The following FAT4 variants were observed in gnomAD, a reference collection of about 807,000 sequenced individuals.
The protein encoded by FAT4 is FAT atypical cadherin 4.
FAT4 carries 84 observed loss-of-function variants against 303.9 expected under a neutral mutation model. The observed-to-expected ratio is 0.28, with a 90% CI of 0.23 to 0.33. The LOEUF (loss-of-function observed/expected upper bound fraction) is 0.33. Ranked by LOEUF, FAT4 falls within the 10% of genes least tolerant of loss-of-function variation. The probability of loss-of-function intolerance (pLI) is 1.00; values close to 1 mark genes in which losing one functional copy is unlikely to be tolerated. For missense variants in FAT4, 6,005 were observed against 6,146.8 expected (o/e 0.98, Z 0.77); for synonymous variants, 2,307 against 2,298.8 (o/e 1.00, Z -0.10).
intron 2 of FAT4, among the ~76,000 whole-genome samples, chr4:125,357,527 T>C (rs1032322511): frequency 1.3e-5 from 2 of 152,200 alleles, no homozygotes; most frequent in Non-Finnish European, 2.9e-5. Flanking sequence ...TAGCATTAAG[T>C]AAATGAGATA....
intron 9 of FAT4, among the ~76,000 whole-genome samples, chr4:125,448,250 A>C (rs1438735978): frequency 6.6e-6 from 1 of 152,150 alleles, no homozygotes; most frequent in Non-Finnish European, 1.5e-5. Flanking sequence ...AATTTTAGTT[A>C]GAAAATGGCA....
intron 7 of FAT4, among the ~76,000 whole-genome samples, chr4:125,419,267 C>T (rs144046971): frequency 6.4e-4 from 97 of 152,308 alleles, no homozygotes; most frequent in African/African-American, 2.2e-3. Flanking sequence ...GACTTCTATT[C>T]ACCTCCCTAC....
chr4:125,386,040 G>T (rs1353647428), intron 2 of FAT4, among the ~76,000 whole-genome samples: 1 of 151,856 alleles, frequency 6.6e-6, no homozygotes, highest in Non-Finnish European at 1.5e-5. Flanking sequence ...GATCATCAGG[G>T]GATAATTCTT....
Position 125,318,878 on chromosome 4 carries a change from A to C in FAT4, c.2467A>C (p.Asn823His), listed in dbSNP as rs1267031772. Residue 823 changes from asparagine to histidine, a missense_variant, in exon 2 of 18, where the codon AAT (asparagine) becomes CAT (histidine). By Grantham distance (68) the Asn-to-His change is moderately conservative (BLOSUM62 1). Transcript: ENST00000394329. ...GSVSASTMDL[N>H]SNISYLITTG... ...TGTGTCTGCATCCACCATGGATCTC[A>C]ATTCCAACATCAGTTATCTCATTAC... is the stretch of plus-strand genomic sequence containing the variant. The C allele has an allele frequency of 3.7e-6, 6 of 1,614,056 alleles. No homozygotes were observed. Among genetic ancestry groups the C allele is most frequent in the Non-Finnish European group, 5.1e-6 (6 of 1,180,038 alleles).
chr4:125,316,670 A>C lies in FAT4; in HGVS notation c.259A>C (p.Thr87Pro). 6.2e-7 allele frequency: 1 copy of C among 1,613,662 alleles called. No individual in the cohort carries two copies. The highest frequency in any genetic ancestry group is 8.5e-7 in the Non-Finnish European group (1 of 1,180,024). ...CGCCCTGTTTGCCATAAACAGTAGC[A>C]CCGGAGCCCTGTACACCACCTCCAC... ...SHALFAINSS[T>P]GALYTTSTID... The change falls in exon 2 of 18, where the codon ACC becomes CCC. Residue 87 changes from threonine (T) to proline (P), a missense_variant. By Grantham distance (38) the Thr-to-Pro change is conservative (BLOSUM62 -1). Transcript: ENST00000394329. This position sits in a 1 kb window ranked among gnomAD's most constrained non-coding sequence, Gnocchi z 5.7.
intron 12 of FAT4, among the ~76,000 whole-genome samples, chr4:125,471,954 G>A (rs2126079379): frequency 7.0e-6 from 1 of 142,692 alleles, no homozygotes; most frequent in African/African-American, 2.6e-5. Context: ...GTGTGCGCCT[G>A]TAGTCCCAGC....
In FAT4 at chr4:125,490,796, C is replaced by A; in HGVS notation, c.13980C>A (p.Gly4660=). The change falls in exon 18 of 18, where the codon GGC becomes GGA. Residue 4660 remains glycine (G), a synonymous_variant. Coordinates refer to ENST00000394329, the MANE Select transcript of FAT4 (RefSeq NM_001291303.3). ...CAATCCAGAGGCACAGTCCCCTAGG[C>A]TTTGCAAGGCAATCCCCCATGCCCT... ...KFSIQRHSPL[G]FARQSPMPLG... is the part of the protein sequence containing the mutation. The A allele has an allele frequency of 6.2e-7, 1 of 1,614,140 alleles. No homozygotes were observed. The highest frequency in any genetic ancestry group is 1.3e-5 in the African/African-American group (1 of 75,036).
In FAT4 at chr4:125,451,063, T is replaced by C. The variant is rs554495862; in HGVS notation, c.10053T>C (p.Asn3351=). Residue 3351 remains asparagine, a synonymous_variant, in exon 10 of 18, where the codon AAT becomes AAC. Coordinates refer to ENST00000394329, the MANE Select transcript of FAT4 (RefSeq NM_001291303.3). ...GTCGAAAGAAGGGTTTCCAGATCAATAAGAAGACTGGACAGATTTATGTTT... is the reference window on the plus strand; with the variant it reads ...GTCGAAAGAAGGGTTTCCAGATCAACAAGAAGACTGGACAGATTTATGTTT... ...GNSRKKGFQI[N]KKTGQIYVSG... is the part of the protein sequence containing the mutation. The C allele has an allele frequency of 5.6e-6, 9 of 1,614,050 alleles. No homozygotes were observed. The highest frequency in any genetic ancestry group is 3.3e-5 in the South Asian group (3 of 91,082).
intron 5 of FAT4, 69 bp downstream of exon 5, chr4:125,408,863 T>G: frequency 2.3e-6 from 2 of 875,834 alleles, no homozygotes; most frequent in Non-Finnish European, 3.3e-6. Flanking sequence ...TTACATTTAT[T>G]TATTGTGTTG....
rs557211984 is a variant in FAT4, at chr4:125,343,494, G to GA, written c.5175+21918dup. Among the ~76,000 whole-genome samples, 1,386 of 146,772 alleles carry GA rather than the reference G, an allele frequency of 9.4e-3. 24 individuals are homozygous for GA. Among genetic ancestry groups the GA allele is most frequent in the African/African-American group, 0.032 (1,300 of 40,048 alleles). On this transcript the variant is annotated intron_variant, in intron 2 of 17. Coordinates refer to ENST00000394329, the MANE Select transcript of FAT4 (RefSeq NM_001291303.3). ...GATTTACAACTCCATTTGCTAAGAA[G>GA]AAAAAAAAAATGAAGAAACTTAAAT...
chr4:125,428,544 T>C (rs1412855697), intron 7 of FAT4, among the ~76,000 whole-genome samples: 2 of 152,342 alleles, frequency 1.3e-5, no homozygotes, highest in South Asian at 2.1e-4. Flanking sequence ...GTGCACAATT[T>C]GGTTTGTGTA....
rs775639653 is a variant in FAT4, at chr4:125,321,372, C to A, written c.4961C>A (p.Ala1654Asp). 8 of 1,614,106 alleles carry A rather than the reference C, an allele frequency of 5.0e-6. No homozygotes were observed. In the South Asian group the frequency reaches 5.5e-5, roughly 11 times the overall value. The change falls in exon 2 of 18, where the codon GCT becomes GAT. Residue 1654 changes from alanine (A) to aspartate (D), a missense_variant. Transcript: ENST00000394329. ...IGTNVISIEA[A>D]SPRGSEAPVE... ...ACAAACGTGATATCAATAGAAGCAGCTAGCCCCAGAGGATCTGAGGCCCCA... is the reference window on the plus strand; with the variant it reads ...ACAAACGTGATATCAATAGAAGCAGATAGCCCCAGAGGATCTGAGGCCCCA...
At chr4:125,331,301 G>C (rs1193451255) in intron 2 of FAT4, among the ~76,000 whole-genome samples, 2 of 152,186 alleles carry the variant, frequency 1.3e-5, no homozygotes, top group Non-Finnish European at 2.9e-5. Flanking sequence ...AGGATTTACT[G>C]TTGATAATGC....
rs983070394 is a variant in FAT4 at position 125,492,559 on chromosome 4, G to A, written c.*791G>A. On this transcript the variant is annotated 3_prime_UTR_variant, in exon 18 of 18. Coordinates refer to ENST00000394329, the MANE Select transcript of FAT4 (RefSeq NM_001291303.3). ...GTTATTTATTGAAAATTTTTCGTATGCTTTTAATATTTTAAAGAATTGACC... is the reference window on the plus strand; with the variant it reads ...GTTATTTATTGAAAATTTTTCGTATACTTTTAATATTTTAAAGAATTGACC... The A allele has an allele frequency of 3.3e-5, 5 of 152,296 alleles. No individual in the cohort carries two copies. The highest frequency in any genetic ancestry group is 1.2e-4 in the African/African-American group (5 of 41,426). The allele number at this position is 152,296 out of a possible 1,614,324, so 9.4% of individuals were successfully genotyped here.
At chr4:125,431,359 A>G (rs1325644973) in intron 7 of FAT4, among the ~76,000 whole-genome samples, 1 of 152,208 alleles carries the variant, frequency 6.6e-6, no homozygotes, top group Non-Finnish European at 1.5e-5. Context: ...TTAGAGAGCT[A>G]AATGTCTCAT....
At chr4:125,423,048 G>A (rs902328930) in intron 7 of FAT4, among the ~76,000 whole-genome samples, 2 of 152,150 alleles carry the variant, frequency 1.3e-5, no homozygotes, top group African/African-American at 4.8e-5. Flanking sequence ...AAGGTATCTG[G>A]CAGAGGAAAT....
chr4:125,402,188 T>C (rs1414504189), intron 3 of FAT4, among the ~76,000 whole-genome samples: 1 of 152,060 alleles, frequency 6.6e-6, no homozygotes, highest in Non-Finnish European at 1.5e-5. Context: ...AGGAATATTA[T>C]TATTTATTAC....
At chr4:125,378,834 G>T (rs1455789596) in intron 2 of FAT4, among the ~76,000 whole-genome samples, 1 of 152,130 alleles carries the variant, frequency 6.6e-6, no homozygotes, top group Non-Finnish European at 1.5e-5. Context: ...AATTTTAAAT[G>T]TAGGAAGTGC....
At chr4:125,329,668 A>AGCC (rs1731299432) in intron 2 of FAT4, among the ~76,000 whole-genome samples, 2 of 152,180 alleles carry the variant, frequency 1.3e-5, no homozygotes, top group African/African-American at 2.4e-5. Context: ...TCTGAACCCT[A>AGCC]CATTCGTATA....
Sources: allele counts gnomAD v4.1 joint callset (sites outside exome capture counted in the v4.1 genomes callset), GRCh38; gene constraint gnomAD v4.1.1; non-coding constraint Gnocchi (gnomAD v3.1); transcripts MANE v1.5; gene names NCBI Gene and HGNC (gene_info 2026-07-23, HGNC 2026-07-21).